SMIM21: variants seen among roughly 807,000 people sequenced by gnomAD.
SMIM21 encodes chromosome 18 open reading frame 62.
Under a neutral mutation model 8.6 loss-of-function variants are expected in SMIM21, and 8 were observed. That is an observed-to-expected ratio of 0.93 (90% CI 0.55 to 1.68). The LOEUF is 1.68. Among genes scored for constraint, SMIM21 ranks in the 40% most tolerant of loss-of-function variants. The pLI, the probability that SMIM21 is intolerant of heterozygous loss-of-function variation, is 0.00. For missense variants in SMIM21, 132 were observed against 123.0 expected (o/e 1.07, Z -0.35); for synonymous variants, 43 against 41.7 (o/e 1.03, Z -0.12).
At chr18:75,418,022 T>G (rs895506385) in intron 2 of SMIM21, 1 of 392,566 alleles carries the variant, frequency 2.5e-6, no homozygotes, top group African/African-American at 2.1e-5. Context: ...ATGTGAGGAC[T>G]GTGAACATCT....
rs2024576821 is a variant in SMIM21 at position 75,410,913 on chromosome 18, C to T, written c.261-4G>A. ...GGATGACTTCAAACGTAGAAAGCTG[C>T]AAGAGACAAAAGGGGGAAAAAGCAT... On this transcript the variant is annotated splice_region_variant and splice_polypyrimidine_tract_variant and intron_variant, in intron 2 of 2. Coordinates refer to ENST00000579022, the MANE Select transcript of SMIM21 (RefSeq NM_001037331.3). 3 of 1,613,576 alleles carry T rather than the reference C, an allele frequency of 1.9e-6. No individual in the cohort carries two copies. Among genetic ancestry groups the T allele is most frequent in the East Asian group, 2.2e-5 (1 of 44,864 alleles).
At chr18:75,424,280 C>G (rs71359090) in intron 1 of SMIM21, among the ~76,000 whole-genome samples, 1,700 of 152,162 alleles carry the variant, frequency 0.011, 17 homozygotes, top group Middle Eastern at 0.027. Flanking sequence ...CACGTCAGGA[C>G]GAAAAATGGA....
At position 75,416,761 on chromosome 18, in the gene SMIM21, C is replaced by A. The variant is rs1599105205; in HGVS notation, c.260+2025G>T. 2.0e-5 allele frequency: 3 copies of A among 149,588 alleles called. 1 individual carries two copies. The highest frequency in any genetic ancestry group is 2.0e-4 in the Admixed American group (3 of 15,000). The allele number at this position is 149,588 out of a possible 1,614,324, so 9.3% of individuals were successfully genotyped here. Reference sequence around the variant, plus strand: ...TGCTAATTTTAAATGCTGATTTTATCATAGATTAGAGACCCTTGTGTACTT... The same window carrying A: ...TGCTAATTTTAAATGCTGATTTTATAATAGATTAGAGACCCTTGTGTACTT... On this transcript the variant is annotated intron_variant, in intron 2 of 2. Coordinates refer to ENST00000579022, the MANE Select transcript of SMIM21 (RefSeq NM_001037331.3).
rs928380812 is a variant in SMIM21 at position 75,409,593 on chromosome 18, T to C, written c.*1271A>G. 1.3e-5 allele frequency: 2 copies of C among 152,202 alleles called. No individual in the cohort carries two copies. Among genetic ancestry groups the C allele is most frequent in the African/African-American group, 2.4e-5 (1 of 41,420 alleles). 9.4% of individuals were successfully genotyped at this position (152,202 alleles called of 1,614,324 possible). A position where few individuals can be genotyped will look rare whatever the true frequency, so the allele number is the denominator to read the frequency against. On this transcript the variant is annotated 3_prime_UTR_variant, in exon 3 of 3. Transcript: ENST00000579022. ...TGGGTTCACGTGTGATGCAGCGCAATGGGATCTGGACATGAATGTGGGAGA... is the reference window on the plus strand; with the variant it reads ...TGGGTTCACGTGTGATGCAGCGCAACGGGATCTGGACATGAATGTGGGAGA...
At chr18:75,418,937 A>G in intron 1 of SMIM21, 21 bp from the exon 2 acceptor site, 1 of 1,539,468 alleles carries the variant, frequency 6.5e-7, no homozygotes, top group Non-Finnish European at 9.0e-7. Flanking sequence ...AAATAATTAC[A>G]GTTACTATTT....
intron 2 of SMIM21, among the ~76,000 whole-genome samples, chr18:75,412,029 C>T (rs558443327): frequency 6.2e-4 from 95 of 152,288 alleles, no homozygotes; most frequent in African/African-American, 2.2e-3. Flanking sequence ...AATCATTACA[C>T]TTGTTCTGCT....
chr18:75,424,226 TCAA>T (rs2024738002), intron 1 of SMIM21, among the ~76,000 whole-genome samples: 1 of 152,344 alleles, frequency 6.6e-6, no homozygotes, highest in East Asian at 1.9e-4. Flanking sequence ...GCAAATACAA[TCAA>T]CAAGATTCTT....
At chr18:75,419,069 TGTG>T (rs2024682470) in intron 1 of SMIM21, 153 bp from the exon 2 acceptor site, 1 of 477,688 alleles carries the variant, frequency 2.1e-6, no homozygotes, top group African/African-American at 1.9e-5. Flanking sequence ...AAACCAGAAC[TGTG>T]GTTTTTATTG....
chr18:75,418,745 G>T, intron 2 of SMIM21, 41 bp downstream of exon 2: 1 of 1,498,334 alleles, frequency 6.7e-7, no homozygotes, highest in South Asian at 1.3e-5. Flanking sequence ...TTCAAAATAT[G>T]TAGTATTTTT....
chr18:75,422,094 C>T (rs2024714577), intron 1 of SMIM21, among the ~76,000 whole-genome samples: 1 of 152,122 alleles, frequency 6.6e-6, no homozygotes, highest in South Asian at 2.1e-4. Flanking sequence ...CCCAGTAGTC[C>T]AGCCAAAGCC....
rs756196560 is a variant in SMIM21, at chr18:75,418,861, A to G, written c.185T>C (p.Met62Thr). Residue 62 changes from methionine (M) to threonine (T), a missense_variant, in exon 2 of 3, where the codon ATG (methionine) becomes ACG (threonine). Physicochemically the swap from Met to Thr is moderately conservative, Grantham distance 81. Coordinates refer to ENST00000579022, the MANE Select transcript of SMIM21 (RefSeq NM_001037331.3). ...CCTGCTATGATTCCTCAGCAACACCATCACATGGAAAAGAACCAACAATGT... is the reference window on the plus strand; with the variant it reads ...CCTGCTATGATTCCTCAGCAACACCGTCACATGGAAAAGAACCAACAATGT... ...FFTLLVLFHV[M>T]VLLRNHSRIQ... is the part of the protein sequence containing the mutation. 1.2e-6 allele frequency: 2 copies of G among 1,609,282 alleles called. No individual in the cohort carries two copies. The highest frequency in any genetic ancestry group is 2.2e-5 in the South Asian group (2 of 90,940).
chr18:75,426,333 A>T (rs1234053737), intron 1 of SMIM21, among the ~76,000 whole-genome samples: 1 of 151,908 alleles, frequency 6.6e-6, no homozygotes, highest in Admixed American at 6.6e-5. Context: ...TTTGAGGGAC[A>T]GAGTCTCGCT....
At chr18:75,424,212 A>C (rs900236427) in intron 1 of SMIM21, among the ~76,000 whole-genome samples, 1 of 152,260 alleles carries the variant, frequency 6.6e-6, no homozygotes, top group African/African-American at 2.4e-5. Context: ...CTTAAAAATA[A>C]GTAGCAAATA....
At chr18:75,412,362 A>G (rs546423146) in intron 2 of SMIM21, 3 of 152,368 alleles carry the variant, frequency 2.0e-5, no homozygotes, top group South Asian at 2.1e-4. Flanking sequence ...ATCAATTGCT[A>G]TATAAAACCT....
intron 2 of SMIM21, among the ~76,000 whole-genome samples, chr18:75,411,513 G>A (rs950650637): frequency 1.3e-5 from 2 of 152,222 alleles, no homozygotes; most frequent in African/African-American, 2.4e-5. Flanking sequence ...AGATTCACAT[G>A]CATTGAGAAA....
chr18:75,416,492 T>C (rs879106469), intron 2 of SMIM21: 3 of 152,250 alleles, frequency 2.0e-5, no homozygotes, highest in Admixed American at 1.3e-4. Context: ...CTGGTTTTTA[T>C]TGGGAAAAAG....
intron 2 of SMIM21, among the ~76,000 whole-genome samples, chr18:75,418,572 G>A (rs1225990463): frequency 6.6e-6 from 1 of 152,160 alleles, no homozygotes; most frequent in Non-Finnish European, 1.5e-5. Context: ...ATGTGGCCCC[G>A]TGCTCTATCA....
chr18:75,426,305 TTG>T (rs2024761179), intron 1 of SMIM21, among the ~76,000 whole-genome samples: 1 of 151,550 alleles, frequency 6.6e-6, no homozygotes, highest in Non-Finnish European at 1.5e-5. Context: ...GTTTGTTTGT[TTG>T]TTTGTTTGTT....
chr18:75,421,981 CT>C (rs1011649729), intron 1 of SMIM21, among the ~76,000 whole-genome samples: 1 of 152,182 alleles, frequency 6.6e-6, no homozygotes, highest in Non-Finnish European at 1.5e-5. Flanking sequence ...CCGGACTACA[CT>C]TTGAGAACCA....
Sources: allele counts gnomAD v4.1 joint callset (sites outside exome capture counted in the v4.1 genomes callset), GRCh38; gene constraint gnomAD v4.1.1; transcripts MANE v1.5; gene names NCBI Gene and HGNC (gene_info 2026-07-23, HGNC 2026-07-21).